The following ANKFY1 variants were observed in gnomAD, a reference collection of about 807,000 sequenced individuals.
ANKFY1 encodes the protein ankyrin repeat and FYVE domain containing 1, also known as ankyrin repeat and FYVE domain-containing protein 1.
In ANKFY1, 47 loss-of-function variants were observed where a neutral mutation model predicts 128.3. The observed-to-expected ratio is 0.37, with a 90% CI of 0.29 to 0.47. The LOEUF (loss-of-function observed/expected upper bound fraction) is 0.47, where lower values mean the gene tolerates loss of function less well. ANKFY1 is among the 20% of genes least tolerant of loss of function. ANKFY1 has a pLI of 1.00. For synonymous variants in ANKFY1, 553 were observed against 601.6 expected (o/e 0.92, Z 1.18); for missense variants, 1,222 against 1,510.6 (o/e 0.81, Z 3.17).
chr17:4,202,981 CAT>C (rs56774221), intron 7 of ANKFY1, among the ~76,000 whole-genome samples: 5,073 of 146,104 alleles, frequency 0.035, 263 homozygotes, highest in African/African-American at 0.11. Context: ...TAATCATACA[CAT>C]ATATATATAT....
intron 1 of ANKFY1, 108 bp downstream of exon 1, chr17:4,263,824 G>T: frequency 6.2e-7 from 1 of 1,609,528 alleles, no homozygotes. Flanking sequence ...GACCCGCGGA[G>T]CCCCCATGCA....
chr17:4,168,037 C>T, intron 24 of ANKFY1, 126 bp from the exon 25 acceptor site: 2 of 1,010,044 alleles, frequency 2.0e-6, no homozygotes, highest in Non-Finnish European at 2.8e-6. Context: ...GGCAACTCTG[C>T]CAACTGCCAG....
intron 3 of ANKFY1, among the ~76,000 whole-genome samples, chr17:4,233,657 T>A (rs530219357): frequency 2.6e-5 from 4 of 152,230 alleles, no homozygotes; most frequent in Non-Finnish European, 5.9e-5. Flanking sequence ...ACTCAGGTAT[T>A]AGCCACCTCT....
At chr17:4,211,356 C>CTG (rs2060127000) in intron 4 of ANKFY1, among the ~76,000 whole-genome samples, 1 of 148,482 alleles carries the variant, frequency 6.7e-6, no homozygotes, top group African/African-American at 2.5e-5. Flanking sequence ...GAGACGGTGC[C>CTG]ACTGCACTCA....
chr17:4,194,696 T>C (rs1308118091), intron 10 of ANKFY1: 3 of 424,428 alleles, frequency 7.1e-6, no homozygotes, highest in African/African-American at 6.0e-5. Flanking sequence ...GGGTACAATT[T>C]TTAAGACGGT....
chr17:4,223,454 C>A, intron 3 of ANKFY1: 1 of 1,229,082 alleles, frequency 8.1e-7, no homozygotes, highest in Non-Finnish European at 1.2e-6. Context: ...TGACACACTT[C>A]AAGTTAAGAT....
chr17:4,207,928 A>G lies in ANKFY1; in HGVS notation c.732+5T>C, dbSNP rs758029727. 2.5e-6 allele frequency: 4 copies of G among 1,576,588 alleles called. No individual in the cohort carries two copies. The South Asian group carries it at 3.6e-5, about 14-fold the overall frequency. Reference sequence around the variant, plus strand: ...AATGAAGAATGGAAAAGGCAGCTACAGTACCTGGGAATCCATTTCAATCAG... The same window carrying G: ...AATGAAGAATGGAAAAGGCAGCTACGGTACCTGGGAATCCATTTCAATCAG... On this transcript the variant is annotated splice_donor_5th_base_variant and intron_variant, in intron 6 of 24. Coordinates refer to ENST00000341657, the MANE Select transcript of ANKFY1 (RefSeq NM_001330063.2).
chr17:4,173,608 T>C (rs2059362404), intron 20 of ANKFY1, among the ~76,000 whole-genome samples, 164 bp from the exon 21 acceptor site: 1 of 152,230 alleles, frequency 6.6e-6, no homozygotes, highest in African/African-American at 2.4e-5. Context: ...CAAGGATGCA[T>C]CACAAATGCA....
chr17:4,194,904 G>A, intron 10 of ANKFY1, 74 bp downstream of exon 10: 5 of 1,434,246 alleles, frequency 3.5e-6, no homozygotes, highest in Non-Finnish European at 4.9e-6. Flanking sequence ...TAAATTTGGG[G>A]TGAAGGCATT....
chr17:4,201,479 A>ATTTTTTTT (rs59058325), intron 7 of ANKFY1, among the ~76,000 whole-genome samples: 1 of 135,700 alleles, frequency 7.4e-6, no homozygotes, highest in African/African-American at 2.7e-5. Flanking sequence ...CCTGTGTCTG[A>ATTTTTTTT]TTTTTTTTTT....
At position 4,245,761 on chromosome 17, in the gene ANKFY1, A is replaced by AAAAAAAAAAAC. The variant is rs758076180; in HGVS notation, c.11-3314_11-3313insGTTTTTTTTTT. Among the ~76,000 whole-genome samples the AAAAAAAAAAAC allele has an allele frequency of 2.8e-5, 4 of 140,518 alleles. 1 individual carries two copies. Among genetic ancestry groups the AAAAAAAAAAAC allele is most frequent in the African/African-American group, 7.9e-5 (3 of 37,792 alleles). The allele number at this position is 140,518 out of a possible 152,430, so 92.2% of individuals were successfully genotyped here. A position where few individuals can be genotyped will look rare whatever the true frequency, so the allele number is the denominator to read the frequency against. ...CTGTCTCAAAAAAAAAAAAAAAAAA[A>AAAAAAAAAAAC]CAACCAGCCAGGTCTGGTGGCTCAT... On this transcript the variant is annotated intron_variant, in intron 1 of 24. Coordinates refer to ENST00000341657, the MANE Select transcript of ANKFY1 (RefSeq NM_001330063.2).
At chr17:4,240,615 C>G (rs1056569840) in intron 2 of ANKFY1, among the ~76,000 whole-genome samples, 2 of 152,184 alleles carry the variant, frequency 1.3e-5, no homozygotes, top group Admixed American at 1.3e-4. Context: ...TGGTCTCAAA[C>G]TCCTGACCTC....
chr17:4,259,315 C>CTGT (rs1314550352), intron 1 of ANKFY1, among the ~76,000 whole-genome samples: 2 of 152,330 alleles, frequency 1.3e-5, no homozygotes, highest in South Asian at 4.1e-4. Context: ...GAGACAGTCT[C>CTGT]TGTTGCTCAG....
At chr17:4,174,764 C>A (rs2059382947) in intron 19 of ANKFY1, among the ~76,000 whole-genome samples, 1 of 151,952 alleles carries the variant, frequency 6.6e-6, no homozygotes, top group African/African-American at 2.4e-5. Context: ...GCTGTGTCAC[C>A]CAGGCTGGAG....
chr17:4,250,512 T>C (rs9913077), intron 1 of ANKFY1, among the ~76,000 whole-genome samples: 54,617 of 152,008 alleles, frequency 0.36, 9,925 homozygotes, highest in Admixed American at 0.41. Flanking sequence ...AAAGGCAACC[T>C]AAATAAACAG....
In ANKFY1 at chr17:4,169,197, C is replaced by G. The variant is rs966607373; in HGVS notation, c.3377+1G>C. The G allele has an allele frequency of 6.4e-7, 1 of 1,551,614 alleles. No individual in the cohort carries two copies. Among genetic ancestry groups the G allele is most frequent in the Non-Finnish European group, 8.7e-7 (1 of 1,146,848 alleles). On this transcript the variant is annotated splice_donor_variant, in intron 24 of 24. Coordinates refer to ENST00000341657, the MANE Select transcript of ANKFY1 (RefSeq NM_001330063.2). LOFTEE classifies it high-confidence loss of function. The surrounding 1 kb of genome is among the most constrained non-coding windows in gnomAD (Gnocchi z 5.0). ...CCTTGCCAGTGACGCTGGGGTCTTA[C>G]CAGTGGTGTTTGCGAGTGGTGACTC...
At chr17:4,244,760 A>G (rs1427782136) in intron 1 of ANKFY1, among the ~76,000 whole-genome samples, 1 of 151,780 alleles carries the variant, frequency 6.6e-6, no homozygotes, top group Admixed American at 6.6e-5. Flanking sequence ...TGCTCCCTAA[A>G]TCTGATCGCT....
In ANKFY1 at chr17:4,208,004, G is replaced by C; in HGVS notation, c.661C>G (p.Pro221Ala). ...TCCACTTTGATGGCTTTATGTAGCG[G>C]GTACTCTGTCTTGGATTTGATCATT... ...YKMIKSKTEY[P>A]LHKAIKVERE... The change falls in exon 6 of 25, where the codon CCG becomes GCG. Residue 221 changes from proline (P) to alanine (A), a missense_variant. By Grantham distance (27) the Pro-to-Ala change is conservative. Transcript: ENST00000341657. 1 of 1,611,582 alleles carries C rather than the reference G, an allele frequency of 6.2e-7. No individual in the cohort carries two copies. The highest frequency in any genetic ancestry group is 8.5e-7 in the Non-Finnish European group (1 of 1,178,982).
chr17:4,236,415 A>G (rs2143300374), intron 2 of ANKFY1, among the ~76,000 whole-genome samples: 1 of 152,362 alleles, frequency 6.6e-6, no homozygotes, highest in East Asian at 1.9e-4. Flanking sequence ...TTCTCACTAG[A>G]AACATTCAGT....
Sources: allele counts gnomAD v4.1 joint callset (sites outside exome capture counted in the v4.1 genomes callset), GRCh38; gene constraint gnomAD v4.1.1; non-coding constraint Gnocchi (gnomAD v3.1); transcripts MANE v1.5; gene names NCBI Gene and HGNC (gene_info 2026-07-23, HGNC 2026-07-21).